The following CSNK1D variants were observed in gnomAD, a reference collection of about 807,000 sequenced individuals.
The protein encoded by CSNK1D is casein kinase 1 delta.
CSNK1D carries 16 observed loss-of-function variants against 46.6 expected under a neutral mutation model. The observed-to-expected ratio is 0.34, with a 90% confidence interval of 0.23 to 0.52. The LOEUF is 0.52. Among genes scored for constraint, CSNK1D ranks in the 20% least tolerant of loss-of-function variants. The pLI, the probability that CSNK1D is intolerant of heterozygous loss-of-function variation, is 0.95. For missense variants in CSNK1D, 398 were observed against 578.4 expected (o/e 0.69, Z 3.20); for synonymous variants, 276 against 228.2 (o/e 1.21, Z -1.89).
At position 82,252,744 on chromosome 17, in the gene CSNK1D, G is replaced by A. The variant is rs1296416014; in HGVS notation, c.566-140C>T. 7 of 914,744 alleles carry A rather than the reference G, an allele frequency of 7.7e-6. No homozygotes were observed. The highest frequency in any genetic ancestry group is 4.9e-5 in the African/African-American group (3 of 60,806). The allele number at this position is 914,744 out of a possible 1,614,324, so 56.7% of individuals were successfully genotyped here. On this transcript the variant is annotated intron_variant, in intron 4 of 8. Coordinates refer to ENST00000314028, the MANE Select transcript of CSNK1D (RefSeq NM_001893.6). The surrounding 1 kb of genome is among the most constrained non-coding windows in gnomAD (Gnocchi z 4.6). ...TCCAGCTGGCACTTCCAGTGGAGACGAACCTCGGACACACATGCCCAGATC... is the reference window on the plus strand; with the variant it reads ...TCCAGCTGGCACTTCCAGTGGAGACAAACCTCGGACACACATGCCCAGATC...
chr17:82,246,226 G>A, intron 8 of CSNK1D: 2 of 1,501,798 alleles, frequency 1.3e-6, no homozygotes, highest in Non-Finnish European at 1.8e-6. Flanking sequence ...GGATGAGAGT[G>A]GTGCCCACTC....
chr17:82,253,268 G>A (rs980848453), intron 3 of CSNK1D, 24 bp from the exon 4 acceptor site: 1 of 1,591,224 alleles, frequency 6.3e-7, no homozygotes, highest in Non-Finnish European at 8.6e-7. Context: ...AAGGGCGCGA[G>A]ATGGCACCCC....
rs754898555 is a variant in CSNK1D at position 82,251,481 on chromosome 17, G to A, written c.783C>T (p.Asp261=). Residue 261 remains aspartate (D), a synonymous_variant, in exon 6 of 9, where the codon GAC becomes GAT. Transcript: ENST00000314028. The surrounding 1 kb of genome is among the most constrained non-coding windows in gnomAD (Gnocchi z 4.5). Reference sequence around the variant, plus strand: ...GCAGGTACGAGTAGTCAGGCTTGTCGTCAAAACGCAAGGAACGGCAGAAAT... The same window carrying A: ...GCAGGTACGAGTAGTCAGGCTTGTCATCAAAACGCAAGGAACGGCAGAAAT... ...YLNFCRSLRF[D]DKPDYSYLRQ... 1.9e-5 allele frequency: 30 copies of A among 1,613,976 alleles called. No individual in the cohort carries two copies. In the South Asian group the frequency reaches 2.4e-4, roughly 13 times the overall value.
chr17:82,263,563 C>T (rs2051393451), intron 2 of CSNK1D, among the ~76,000 whole-genome samples: 2 of 152,192 alleles, frequency 1.3e-5, no homozygotes, highest in South Asian at 2.1e-4. Flanking sequence ...GCACTAGTGC[C>T]GAGTGGAGAA....
chr17:82,243,756 G>A lies in CSNK1D; in HGVS notation c.*1025C>T, dbSNP rs552696855. 12 of 985,464 alleles carry A rather than the reference G, an allele frequency of 1.2e-5. No individual in the cohort carries two copies. The highest frequency in any genetic ancestry group is 4.7e-5 in the South Asian group (1 of 21,294). 61.0% of individuals were successfully genotyped at this position (985,464 alleles called of 1,614,324 possible). On this transcript the variant is annotated 3_prime_UTR_variant, in exon 9 of 9. Transcript: ENST00000314028. ...ATTCATACAGACGGAGTGCCAATCC[G>A]CACAGGAGCATTGAGTGCTGAGAAA...
Position 82,248,435 on chromosome 17 carries a change from A to G in CSNK1D, c.1197+440T>C. The G allele has an allele frequency of 9.8e-7, 1 of 1,024,742 alleles. No individual in the cohort carries two copies. Among genetic ancestry groups the G allele is most frequent in the South Asian group, 3.5e-5 (1 of 28,750 alleles). The allele number at this position is 1,024,742 out of a possible 1,614,324, so 63.5% of individuals were successfully genotyped here. On this transcript the variant is annotated intron_variant, in intron 8 of 8. Coordinates refer to ENST00000314028, the MANE Select transcript of CSNK1D (RefSeq NM_001893.6). This position sits in a 1 kb window ranked among gnomAD's most constrained non-coding sequence, Gnocchi z 4.1. ...GCATGCCACCAGGGAGGGTCTCACAAGAAGCCCGTGGAGGTCCCTACGGGC... is the reference window on the plus strand; with the variant it reads ...GCATGCCACCAGGGAGGGTCTCACAGGAAGCCCGTGGAGGTCCCTACGGGC...
rs963494166 is a variant in CSNK1D, at chr17:82,273,016, C to T, written c.76+290G>A. 2.3e-6 allele frequency: 1 copy of T among 425,730 alleles called. No homozygotes were observed. Among genetic ancestry groups the T allele is most frequent in the African/African-American group, 2.2e-5 (1 of 44,908 alleles). 26.4% of individuals were successfully genotyped at this position (425,730 alleles called of 1,614,324 possible). ...CTACCCAGGTCGGCTCCCCAGAGAC[C>T]ATGCCCCACCCCGGGTCAGCTCCCC... On this transcript the variant is annotated intron_variant, in intron 1 of 8. Transcript: ENST00000314028. The surrounding 1 kb of genome is among the most constrained non-coding windows in gnomAD (Gnocchi z 5.1).
In CSNK1D at chr17:82,242,671, G is replaced by A. The variant is rs973854067; in HGVS notation, c.*2110C>T. ...CACATGGAAAGGGGAGGGAAGAAAG[G>A]TAGAAGTCATTATGAATTTATTATT... On this transcript the variant is annotated 3_prime_UTR_variant, in exon 9 of 9. Transcript: ENST00000314028. 3 of 985,368 alleles carry A rather than the reference G, an allele frequency of 3.0e-6. No homozygotes were observed. Among genetic ancestry groups the A allele is most frequent in the East Asian group, 1.1e-4 (1 of 8,824 alleles). The allele number at this position is 985,368 out of a possible 1,614,324, so 61.0% of individuals were successfully genotyped here. A position where few individuals can be genotyped will look rare whatever the true frequency, so the allele number is the denominator to read the frequency against.
intron 8 of CSNK1D, 36 bp from the exon 9 acceptor site, chr17:82,244,867 G>T: frequency 1.9e-6 from 3 of 1,613,128 alleles, no homozygotes; most frequent in Non-Finnish European, 2.5e-6. Flanking sequence ...GGTCAGCATG[G>T]GGCTGGGGGA....
At chr17:82,242,377 G>A (rs1034226854), downstream of CSNK1D, among the ~76,000 whole-genome samples, 3 of 152,162 alleles carry the variant, frequency 2.0e-5, no homozygotes, top group African/African-American at 4.8e-5. Flanking sequence ...TGCGGCTGCC[G>A]GTGCCGCCCG....
At chr17:82,259,131 T>C (rs2051261224) in intron 2 of CSNK1D, among the ~76,000 whole-genome samples, 1 of 152,258 alleles carries the variant, frequency 6.6e-6, no homozygotes, top group African/African-American at 2.4e-5. Context: ...AAATCTTCCT[T>C]AAATGTCCTT....
chr17:82,266,020 T>C (rs942543159), intron 1 of CSNK1D, among the ~76,000 whole-genome samples: 1 of 152,146 alleles, frequency 6.6e-6, no homozygotes, highest in Non-Finnish European at 1.5e-5. Flanking sequence ...GCACAGAAAG[T>C]TTATGTGGCT....
At chr17:82,264,899 G>A (rs1464782514) in intron 2 of CSNK1D, among the ~76,000 whole-genome samples, 3 of 150,296 alleles carry the variant, frequency 2.0e-5, no homozygotes, top group South Asian at 4.2e-4. Flanking sequence ...CCGGGTTCAC[G>A]CCATTCTCCT....
At position 82,252,312 on chromosome 17, in the gene CSNK1D, A is replaced by AC; in HGVS notation, c.736+121dup. On this transcript the variant is annotated intron_variant, in intron 5 of 8. Coordinates refer to ENST00000314028, the MANE Select transcript of CSNK1D (RefSeq NM_001893.6). The surrounding 1 kb of genome is among the most constrained non-coding windows in gnomAD (Gnocchi z 4.6). ...CACAAAAGCGCCCCGCTTTCCTGCC[A>AC]CCACCCCTTTGGAAGGTGAGCAACT... 1 of 1,161,200 alleles carries AC rather than the reference A, an allele frequency of 8.6e-7. No homozygotes were observed. The highest frequency in any genetic ancestry group is 1.2e-5 in the South Asian group (1 of 81,358). 71.9% of individuals were successfully genotyped at this position (1,161,200 alleles called of 1,614,324 possible).
intron 2 of CSNK1D, among the ~76,000 whole-genome samples, chr17:82,259,529 G>A (rs549324699): frequency 2.6e-5 from 4 of 152,338 alleles, no homozygotes; most frequent in South Asian, 2.1e-4. Flanking sequence ...ATATGCAGAC[G>A]TCTGCGTTAT....
rs1445770477 is a variant in CSNK1D, at chr17:82,249,096, G to C, written c.1058-82C>G. The C allele has an allele frequency of 1.3e-6, 2 of 1,498,176 alleles. No homozygotes were observed. The highest frequency in any genetic ancestry group is 1.8e-6 in the Non-Finnish European group (2 of 1,113,232). 92.8% of individuals were successfully genotyped at this position (1,498,176 alleles called of 1,614,324 possible). On this transcript the variant is annotated intron_variant, in intron 7 of 8. Transcript: ENST00000314028. The surrounding 1 kb of genome is among the most constrained non-coding windows in gnomAD (Gnocchi z 6.7). ...GGCTTTCTATGAGAGGCTGTGGCCA[G>C]AGAGGACCCTGGGCTGCCTGGACAG...
Position 82,252,923 on chromosome 17 carries a change from C to T in CSNK1D, c.565+93G>A, listed in dbSNP as rs946815652. On this transcript the variant is annotated intron_variant, in intron 4 of 8. Coordinates refer to ENST00000314028, the MANE Select transcript of CSNK1D (RefSeq NM_001893.6). The surrounding 1 kb of genome is among the most constrained non-coding windows in gnomAD (Gnocchi z 4.6). ...AAAGGTCTGATGACACGCTTGCAGC[C>T]CCAGCTCCCCGAGAGGCTGGCCTCT... 3 of 1,199,012 alleles carry T rather than the reference C, an allele frequency of 2.5e-6. No homozygotes were observed. Among genetic ancestry groups the T allele is most frequent in the Admixed American group, 3.8e-5 (2 of 52,300 alleles). The allele number at this position is 1,199,012 out of a possible 1,614,324, so 74.3% of individuals were successfully genotyped here. A position where few individuals can be genotyped will look rare whatever the true frequency, so the allele number is the denominator to read the frequency against.
intron 8 of CSNK1D, chr17:82,247,731 G>A: frequency 1.0e-6 from 1 of 985,354 alleles, no homozygotes; most frequent in South Asian, 4.7e-5. Flanking sequence ...GCACGTAAGG[G>A]ACCCATTCTC....
Position 82,251,329 on chromosome 17 carries a change from G to T in CSNK1D, c.885+50C>A, listed in dbSNP as rs768029175. ...ACGGCCGCCGGCCTCTCACTGACAA[G>T]CCATCCCCCGCACACCACACTCAGC... On this transcript the variant is annotated intron_variant, in intron 6 of 8. Transcript: ENST00000314028. This position sits in a 1 kb window ranked among gnomAD's most constrained non-coding sequence, Gnocchi z 4.5. 2 of 1,611,392 alleles carry T rather than the reference G, an allele frequency of 1.2e-6. No homozygotes were observed. The highest frequency in any genetic ancestry group is 2.2e-5 in the South Asian group (2 of 90,920).
Sources: allele counts gnomAD v4.1 joint callset (sites outside exome capture counted in the v4.1 genomes callset), GRCh38; gene constraint gnomAD v4.1.1; non-coding constraint Gnocchi (gnomAD v3.1); transcripts MANE v1.5; gene names NCBI Gene and HGNC (gene_info 2026-07-23, HGNC 2026-07-21).